The following CDKAL1 variants were observed in gnomAD, a reference collection of about 807,000 sequenced individuals.
The protein encoded by CDKAL1 is CDKAL1 threonylcarbamoyladenosine tRNA methylthiotransferase.
Under a neutral mutation model 68.2 loss-of-function variants are expected in CDKAL1, and 32 were observed. The observed-to-expected ratio is 0.47, with a 90% CI of 0.35 to 0.63. CDKAL1 has a LOEUF of 0.63. CDKAL1 is among the 30% of genes least tolerant of loss of function. The pLI, the probability that CDKAL1 is intolerant of heterozygous loss-of-function variation, is 0.00. For missense variants in CDKAL1, 606 were observed against 696.7 expected (o/e 0.87, Z 1.47); for synonymous variants, 234 against 244.3 (o/e 0.96, Z 0.39).
chr6:20,837,597 T>C (rs1777999541), intron 8 of CDKAL1, among the ~76,000 whole-genome samples: 1 of 152,164 alleles, frequency 6.6e-6, no homozygotes, highest in Non-Finnish European at 1.5e-5. Flanking sequence ...AAGTCTTTGC[T>C]AGAGACCACT....
chr6:20,959,722 C>T (rs1764961566), intron 10 of CDKAL1, among the ~76,000 whole-genome samples: 1 of 152,042 alleles, frequency 6.6e-6, no homozygotes, highest in African/African-American at 2.4e-5. Flanking sequence ...GATGTATTTT[C>T]CCTGTGTTTG....
intron 5 of CDKAL1, among the ~76,000 whole-genome samples, chr6:20,651,627 T>C (rs1768774064): frequency 6.6e-6 from 1 of 152,182 alleles, no homozygotes; most frequent in South Asian, 2.1e-4. Context: ...ATCCTTGTCT[T>C]GTGCCCGTTT....
intron 4 of CDKAL1, among the ~76,000 whole-genome samples, chr6:20,634,326 T>G (rs912138133): frequency 2.0e-5 from 3 of 152,226 alleles, no homozygotes; most frequent in Non-Finnish European, 4.4e-5. Flanking sequence ...TTATTTTATG[T>G]GTAGTAAATT....
At chr6:20,543,927 G>A (rs770698011) in intron 2 of CDKAL1, among the ~76,000 whole-genome samples, 3 of 151,668 alleles carry the variant, frequency 2.0e-5, no homozygotes, top group Non-Finnish European at 1.5e-5. Flanking sequence ...TAGTAGAGAC[G>A]CGGTGTCACC....
intron 4 of CDKAL1, among the ~76,000 whole-genome samples, chr6:20,619,305 T>A (rs1232237240): frequency 1.3e-5 from 2 of 152,184 alleles, no homozygotes; most frequent in East Asian, 3.8e-4. Context: ...AGGAGAACCA[T>A]TGTACAACAT....
At chr6:20,655,958 C>T (rs1033176153) in intron 5 of CDKAL1, among the ~76,000 whole-genome samples, 3 of 152,070 alleles carry the variant, frequency 2.0e-5, no homozygotes, top group African/African-American at 7.2e-5. Flanking sequence ...TTCTATGTGA[C>T]GGGCAGTGTT....
At chr6:20,562,839 C>T (rs779056613) in intron 4 of CDKAL1, among the ~76,000 whole-genome samples, 4 of 152,162 alleles carry the variant, frequency 2.6e-5, no homozygotes, top group South Asian at 2.1e-4. Flanking sequence ...ATGTCCTATA[C>T]GGTGCTTTTT....
At chr6:21,029,634 A>G (rs1170947546) in intron 11 of CDKAL1, among the ~76,000 whole-genome samples, 1 of 152,208 alleles carries the variant, frequency 6.6e-6, no homozygotes, top group Non-Finnish European at 1.5e-5. Flanking sequence ...CAAATTTACA[A>G]GAAAAAAACA....
rs1045543725 is a variant in CDKAL1 at position 21,195,373 on chromosome 6, G to C, written c.1300-2648G>C. Among the ~76,000 whole-genome samples, 6 of 152,154 alleles carry C rather than the reference G, an allele frequency of 3.9e-5. No homozygotes were observed. In the South Asian group the frequency reaches 6.2e-4, roughly 16 times the overall value. On this transcript the variant is annotated intron_variant, in intron 13 of 15. Transcript: ENST00000274695. ...AAACAGGGTTTCACCACGTTGGCCA[G>C]GCTGGTCTCGAACTCCTGGCCTCAA... is the stretch of plus-strand genomic sequence containing the variant.
chr6:21,189,791 G>A (rs1329237284), intron 13 of CDKAL1, among the ~76,000 whole-genome samples: 2 of 152,150 alleles, frequency 1.3e-5, no homozygotes, highest in African/African-American at 4.8e-5. Flanking sequence ...TTTAGCATAA[G>A]TATGCCTGGT....
chr6:20,574,627 T>C (rs955422737), intron 4 of CDKAL1, among the ~76,000 whole-genome samples: 7 of 152,134 alleles, frequency 4.6e-5, no homozygotes, highest in Admixed American at 1.3e-4. Flanking sequence ...TGTGGGTCTG[T>C]CTGGTGTATT....
intron 5 of CDKAL1, among the ~76,000 whole-genome samples, chr6:20,661,927 T>C (rs1769302521): frequency 6.6e-6 from 1 of 152,158 alleles, no homozygotes; most frequent in South Asian, 2.1e-4. Flanking sequence ...ACTCTGTAGG[T>C]GGAGGCTCCA....
At chr6:20,596,410 G>A (rs1424714801) in intron 4 of CDKAL1, among the ~76,000 whole-genome samples, 2 of 152,230 alleles carry the variant, frequency 1.3e-5, no homozygotes, top group Non-Finnish European at 2.9e-5. Flanking sequence ...GCTTTGCCGA[G>A]CTGTGGTGGG....
chr6:21,056,642 T>G (rs1337254305), intron 11 of CDKAL1, among the ~76,000 whole-genome samples: 1 of 152,214 alleles, frequency 6.6e-6, no homozygotes, highest in Non-Finnish European at 1.5e-5. Flanking sequence ...CCATTCAGTA[T>G]GATATTGGCT....
intron 5 of CDKAL1, among the ~76,000 whole-genome samples, chr6:20,735,696 C>G (rs111567721): frequency 6.6e-6 from 1 of 152,296 alleles, no homozygotes; most frequent in African/African-American, 2.4e-5. Context: ...TCGCCTATTT[C>G]ATGTCACGAG....
intron 13 of CDKAL1, among the ~76,000 whole-genome samples, chr6:21,181,249 CTT>C (rs1777778978): frequency 6.6e-6 from 1 of 152,230 alleles, no homozygotes; most frequent in Admixed American, 6.5e-5. Flanking sequence ...TCTCAACACT[CTT>C]ACAATGGCAC....
At position 20,925,704 on chromosome 6, in the gene CDKAL1, T is replaced by C. The variant is rs1206592479; in HGVS notation, c.743-29715T>C. On this transcript the variant is annotated intron_variant, in intron 9 of 15. Coordinates refer to ENST00000274695, the MANE Select transcript of CDKAL1 (RefSeq NM_017774.3). ...TGGATTCCAGAAAATATAGAAATCT[T>C]CTTTTAAATAGACTTACCGATAAAT... Among the ~76,000 whole-genome samples, 4 of 152,266 alleles carry C rather than the reference T, an allele frequency of 2.6e-5. No homozygotes were observed. In the East Asian group the frequency reaches 7.7e-4, roughly 29 times the overall value.
chr6:21,195,108 G>A (rs1778410529), intron 13 of CDKAL1, among the ~76,000 whole-genome samples: 1 of 151,958 alleles, frequency 6.6e-6, no homozygotes, highest in Admixed American at 6.6e-5. Flanking sequence ...GGGACGGATT[G>A]CAGCAGCTTT....
intron 4 of CDKAL1, among the ~76,000 whole-genome samples, chr6:20,619,191 C>A (rs1767066063): frequency 6.6e-6 from 1 of 152,152 alleles, no homozygotes. Context: ...ACTCCAAAGG[C>A]AACTTCAGAA....
Sources: gnomAD v4.1 joint callset for allele counts (sites outside exome capture counted in the v4.1 genomes callset) on GRCh38, gnomAD v4.1.1 for gene constraint, MANE v1.5 for transcripts, NCBI Gene and HGNC (gene_info 2026-07-23, HGNC 2026-07-21) for gene names.